Variants in ARPP21 observed in about 807,000 individuals in gnomAD.
The protein encoded by ARPP21 is cAMP regulated phosphoprotein 21.
ARPP21 carries 69 observed loss-of-function variants against 113.2 expected under a neutral mutation model. The observed-to-expected ratio is 0.61, with a 90% CI of 0.50 to 0.74. The LOEUF is 0.74. Ranked by LOEUF, ARPP21 falls within the 30% of genes least tolerant of loss-of-function variation. The probability of loss-of-function intolerance (pLI) is 0.00; values close to 1 mark genes in which losing one functional copy is unlikely to be tolerated. For missense variants in ARPP21, 1,070 were observed against 1,037.4 expected (o/e 1.03, Z -0.43); for synonymous variants, 368 against 375.5 (o/e 0.98, Z 0.23).
chr3:35,730,639 C>T (rs540607016), intron 15 of ARPP21, among the ~76,000 whole-genome samples: 1 of 152,290 alleles, frequency 6.6e-6, no homozygotes, highest in African/African-American at 2.4e-5. Context: ...TTCGATCCTT[C>T]CAGACTATTT....
At position 35,655,248 on chromosome 3, in the gene ARPP21, T is replaced by C. The variant is rs180804485; in HGVS notation, c.-213+14850T>C. Reference sequence around the variant, plus strand: ...TTTGATAAATATATATGTGTGTATATTGATATCTACATTTATATATGTATA... The same window carrying C: ...TTTGATAAATATATATGTGTGTATACTGATATCTACATTTATATATGTATA... On this transcript the variant is annotated intron_variant, in intron 1 of 20. Coordinates refer to ENST00000684406, the MANE Select transcript of ARPP21 (RefSeq NM_001385562.1). 1.1e-3 allele frequency among the ~76,000 whole-genome samples: 164 copies of C among 152,118 alleles called. 1 individual carries two copies. The highest frequency in any genetic ancestry group is 2.0e-3 in the Non-Finnish European group (139 of 67,958).
At chr3:35,748,841 G>T (rs1401205509) in intron 19 of ARPP21, among the ~76,000 whole-genome samples, 1 of 152,064 alleles carries the variant, frequency 6.6e-6, no homozygotes, top group East Asian at 1.9e-4. Context: ...ATCTCTAGTG[G>T]GCTAGTTTAA....
chr3:35,687,646 C>A, intron 5 of ARPP21, 93 bp from the exon 6 acceptor site: 1 of 1,198,560 alleles, frequency 8.3e-7, no homozygotes, highest in Non-Finnish European at 1.2e-6. Flanking sequence ...ACCTGGTTTT[C>A]ATTTTTCTAT....
chr3:35,757,040 G>A (rs553482372), intron 19 of ARPP21, among the ~76,000 whole-genome samples: 1 of 150,504 alleles, frequency 6.6e-6, no homozygotes, highest in African/African-American at 2.4e-5. Context: ...ATGATACAGA[G>A]TTCAGAGGGT....
At chr3:35,675,587 G>T (rs1336487359) in intron 1 of ARPP21, among the ~76,000 whole-genome samples, 1 of 151,666 alleles carries the variant, frequency 6.6e-6, no homozygotes, top group Non-Finnish European at 1.5e-5. Context: ...GTAAGCTTTG[G>T]GAAAAAAATT....
chr3:35,658,237 A>T (rs1019753566), intron 1 of ARPP21, among the ~76,000 whole-genome samples: 5 of 152,074 alleles, frequency 3.3e-5, no homozygotes, highest in African/African-American at 9.7e-5. Context: ...CTGTGTTTGA[A>T]TAATTTTTAT....
At chr3:35,639,403 A>G (rs1400209753), upstream of ARPP21, among the ~76,000 whole-genome samples, 1 of 151,816 alleles carries the variant, frequency 6.6e-6, no homozygotes, top group Admixed American at 6.6e-5. The surrounding 1 kb of genome is among the most constrained non-coding windows in gnomAD (Gnocchi z 5.0). Flanking sequence ...AGCCACGTGC[A>G]ACACGCGCGT....
chr3:35,696,808 A>G (rs1003644464), intron 9 of ARPP21, among the ~76,000 whole-genome samples: 2 of 151,618 alleles, frequency 1.3e-5, no homozygotes, highest in Admixed American at 6.6e-5. Flanking sequence ...AAAATATTTT[A>G]AATGCCACAA....
intron 6 of ARPP21, 137 bp downstream of exon 6, chr3:35,688,020 G>T: frequency 1.3e-6 from 1 of 745,358 alleles, no homozygotes; most frequent in Non-Finnish European, 2.1e-6. Flanking sequence ...ATCTGTGTGT[G>T]TGTAAAAAAT....
intron 19 of ARPP21, among the ~76,000 whole-genome samples, chr3:35,778,237 G>A (rs1017514339): frequency 6.6e-6 from 1 of 152,114 alleles, no homozygotes; most frequent in Non-Finnish European, 1.5e-5. Context: ...GGGGAGTGCT[G>A]GTTATTCTCT....
At chr3:35,754,694 G>A (rs759594867) in intron 19 of ARPP21, among the ~76,000 whole-genome samples, 32 of 151,962 alleles carry the variant, frequency 2.1e-4, no homozygotes, top group Non-Finnish European at 3.1e-4. Flanking sequence ...CGGTATAGAT[G>A]GCCAGGTTCT....
chr3:35,693,472 GA>G (rs1411544719), intron 9 of ARPP21, among the ~76,000 whole-genome samples: 18 of 151,354 alleles, frequency 1.2e-4, no homozygotes, highest in Admixed American at 9.9e-4. Context: ...TTTAGCACAC[GA>G]AAAAAGAGGA....
In ARPP21 at chr3:35,764,314, G is replaced by A. The variant is rs535334336; in HGVS notation, c.2137+20349G>A. On this transcript the variant is annotated intron_variant, in intron 19 of 20. Transcript: ENST00000684406. ...TGCATGCTTTTGCATGATAAATAGC[G>A]TTTTTAGAAATGTTTACTTTTATTA... Among the ~76,000 whole-genome samples, 268 of 152,178 alleles carry A rather than the reference G, an allele frequency of 1.8e-3. 1 individual carries two copies. Among genetic ancestry groups the A allele is most frequent in the African/African-American group, 5.7e-3 (238 of 41,544 alleles).
chr3:35,690,688 TA>T (rs1240927269), intron 8 of ARPP21, among the ~76,000 whole-genome samples, 176 bp from the exon 9 acceptor site: 3 of 151,638 alleles, frequency 2.0e-5, no homozygotes, highest in Non-Finnish European at 3.0e-5. Context: ...GCTTAATCAA[TA>T]AATCTATAAT....
intron 19 of ARPP21, among the ~76,000 whole-genome samples, chr3:35,744,733 T>C (rs1403529524): frequency 6.6e-6 from 1 of 152,186 alleles, no homozygotes; most frequent in African/African-American, 2.4e-5. Context: ...AAGTAGGTCA[T>C]GTAAAGAGCA....
chr3:35,762,225 C>A (rs1275545293), intron 19 of ARPP21, among the ~76,000 whole-genome samples: 1 of 150,936 alleles, frequency 6.6e-6, no homozygotes, highest in African/African-American at 2.4e-5. Flanking sequence ...TGTTATTCTT[C>A]AAATATTTTC....
chr3:35,642,955 A>G lies in ARPP21; in HGVS notation c.-213+2557A>G, dbSNP rs1044383605. On this transcript the variant is annotated intron_variant, in intron 1 of 20. Coordinates refer to ENST00000684406, the MANE Select transcript of ARPP21 (RefSeq NM_001385562.1). ...TGAAGTCTAAATATTTTAAAAATAT[A>G]AGTAGCAGAGGCAGCACTGGTAACT... Among the ~76,000 whole-genome samples, 11 of 152,140 alleles carry G rather than the reference A, an allele frequency of 7.2e-5. No homozygotes were observed. In the South Asian group the frequency reaches 1.4e-3, roughly 20 times the overall value.
chr3:35,744,447 A>T (rs1392003614), intron 19 of ARPP21: 8 of 524,518 alleles, frequency 1.5e-5, no homozygotes, highest in Non-Finnish European at 3.1e-5. Flanking sequence ...TGATGGCCAC[A>T]TGCCTCCTGC....
intron 9 of ARPP21, among the ~76,000 whole-genome samples, chr3:35,705,874 AAG>A (rs2088782052): frequency 6.6e-6 from 1 of 152,192 alleles, no homozygotes; most frequent in Non-Finnish European, 1.5e-5. Flanking sequence ...TATTTAAGGA[AAG>A]AAAAAAATGC....
Sources: gnomAD v4.1 joint callset for allele counts (sites outside exome capture counted in the v4.1 genomes callset) on GRCh38, gnomAD v4.1.1 for gene constraint, Gnocchi (gnomAD v3.1) non-coding constraint, MANE v1.5 for transcripts, NCBI Gene and HGNC (gene_info 2026-07-23, HGNC 2026-07-21) for gene names.